NELL2: variants seen among roughly 807,000 people sequenced by gnomAD.
NELL2 encodes neural EGFL like 2.
NELL2 carries 41 observed loss-of-function variants against 109.6 expected under a neutral mutation model. That is an observed-to-expected ratio of 0.37 (90% CI 0.29 to 0.49). The LOEUF (loss-of-function observed/expected upper bound fraction) is 0.49. NELL2 is among the 20% of genes least tolerant of loss of function. NELL2 has a pLI of 0.98. For missense variants in NELL2, 900 were observed against 1,008.3 expected (o/e 0.89, Z 1.45); for synonymous variants, 355 against 344.7 (o/e 1.03, Z -0.33).
chr12:44,815,150 T>A (rs1380705196), intron 3 of NELL2, among the ~76,000 whole-genome samples: 2 of 152,178 alleles, frequency 1.3e-5, no homozygotes, highest in South Asian at 4.1e-4. Context: ...GCAATTTATG[T>A]ATATGTCAAG....
chr12:44,684,966 G>A (rs1486517886), intron 12 of NELL2, among the ~76,000 whole-genome samples: 7 of 152,010 alleles, frequency 4.6e-5, no homozygotes, highest in Non-Finnish European at 8.8e-5. Context: ...CAATTCCTGG[G>A]TATCCTTGTT....
chr12:44,626,049 A>G (rs73284076), intron 13 of NELL2, among the ~76,000 whole-genome samples: 4,333 of 152,196 alleles, frequency 0.028, 185 homozygotes, highest in African/African-American at 0.096. Flanking sequence ...TGTTTTCCCT[A>G]TAAGTTTAAA....
At chr12:44,840,308 T>A (rs1944184802) in intron 2 of NELL2, among the ~76,000 whole-genome samples, 2 of 152,164 alleles carry the variant, frequency 1.3e-5, no homozygotes, top group Admixed American at 1.3e-4. Flanking sequence ...TTTACTCGAT[T>A]TCATGTCAAT....
intron 16 of NELL2, among the ~76,000 whole-genome samples, chr12:44,526,372 C>T (rs903533339): frequency 6.6e-6 from 1 of 152,148 alleles, no homozygotes; most frequent in East Asian, 1.9e-4. Flanking sequence ...TTCACAACAA[C>T]CCTCGAAGAT....
At chr12:44,778,480 G>A (rs527574891) in intron 5 of NELL2, among the ~76,000 whole-genome samples, 9 of 152,164 alleles carry the variant, frequency 5.9e-5, no homozygotes, top group African/African-American at 2.2e-4. Flanking sequence ...TACTATTTAT[G>A]GACTACAATA....
At chr12:44,698,412 A>T (rs1260939945) in intron 12 of NELL2, among the ~76,000 whole-genome samples, 1 of 152,166 alleles carries the variant, frequency 6.6e-6, no homozygotes, top group East Asian at 1.9e-4. Flanking sequence ...AGAAGTTCAG[A>T]CTTGATGTGG....
intron 15 of NELL2, among the ~76,000 whole-genome samples, chr12:44,554,289 G>A (rs1943154556): frequency 6.6e-6 from 1 of 152,020 alleles, no homozygotes; most frequent in African/African-American, 2.4e-5. Flanking sequence ...TAACCAGCCT[G>A]GATAACTGTC....
chr12:44,539,835 TC>T (rs1165384714), intron 15 of NELL2, among the ~76,000 whole-genome samples: 2 of 152,200 alleles, frequency 1.3e-5, no homozygotes, highest in Non-Finnish European at 2.9e-5. Flanking sequence ...GGTTAGAGAT[TC>T]ATAAACACAT....
chr12:44,527,865 G>T (rs902344194), intron 16 of NELL2, among the ~76,000 whole-genome samples: 3 of 151,814 alleles, frequency 2.0e-5, no homozygotes, highest in Non-Finnish European at 4.4e-5. Flanking sequence ...AGGCCGAGGC[G>T]GACGGATCAC....
In NELL2 at chr12:44,875,836, A is replaced by G. The variant is rs1451901733; in HGVS notation, c.34T>C (p.Leu12=). 5 of 1,614,040 alleles carry G rather than the reference A, an allele frequency of 3.1e-6. No individual in the cohort carries two copies. Among genetic ancestry groups the G allele is most frequent in the South Asian group, 1.1e-5 (1 of 91,080 alleles). The change falls in exon 1 of 20, where the codon TTG becomes CTG. Residue 12 remains leucine (L), a synonymous_variant. Transcript: ENST00000429094. ...TCACCTGCTCCGAGACCGAAGATCA[A>G]ACAGAATGTTCTCAGTAAGACCCGA... is the stretch of plus-strand genomic sequence containing the variant. ...ESRVLLRTFC[L]IFGLGAVWGL... is the part of the protein sequence containing the mutation.
chr12:44,817,770 GT>G (rs1943400884), intron 2 of NELL2, among the ~76,000 whole-genome samples: 1 of 152,022 alleles, frequency 6.6e-6, no homozygotes, highest in Non-Finnish European at 1.5e-5. Context: ...TACTCTCTTG[GT>G]TTAAAACAAA....
intron 9 of NELL2, among the ~76,000 whole-genome samples, chr12:44,760,961 T>C (rs1485465227): frequency 6.6e-6 from 1 of 152,208 alleles, no homozygotes; most frequent in South Asian, 2.1e-4. Context: ...ATTTGCAACA[T>C]ATATATTAGA....
chr12:44,581,491 G>A (rs1944320069), intron 15 of NELL2, among the ~76,000 whole-genome samples: 1 of 152,104 alleles, frequency 6.6e-6, no homozygotes, highest in Non-Finnish European at 1.5e-5. Context: ...TCAACCTACA[G>A]ATTGAAGTAG....
intron 9 of NELL2, among the ~76,000 whole-genome samples, chr12:44,741,244 AG>A (rs1173283390): frequency 6.6e-6 from 1 of 152,140 alleles, no homozygotes. Context: ...TCTTTTCTTT[AG>A]ATTATTTTAA....
intron 1 of NELL2, among the ~76,000 whole-genome samples, chr12:44,888,256 A>G (rs867581046): frequency 3.9e-5 from 6 of 152,132 alleles, no homozygotes; most frequent in Admixed American, 1.3e-4. Context: ...GCAAATTTTA[A>G]AGTCAGGTAT....
At chr12:44,769,225 C>G (rs190150917) in intron 9 of NELL2, among the ~76,000 whole-genome samples, 26 of 152,118 alleles carry the variant, frequency 1.7e-4, no homozygotes, top group African/African-American at 5.3e-4. Flanking sequence ...ATAAAATAAG[C>G]CTCCCAAATT....
rs116246168 is a variant in NELL2, at chr12:44,868,107, G to A, written c.184+7118C>T. On this transcript the variant is annotated intron_variant, in intron 2 of 19. Coordinates refer to ENST00000429094, the MANE Select transcript of NELL2 (RefSeq NM_001145108.2). ...TGCTCTCCAGCCTAGGTGAAACAGT[G>A]AGGCTCCATCTCAAAAAAAAAAAAA... Among the ~76,000 whole-genome samples the A allele has an allele frequency of 8.9e-3, 1,013 of 113,534 alleles. 13 individuals are homozygous for A. The highest frequency in any genetic ancestry group is 0.032 in the African/African-American group (944 of 29,462). 74.5% of individuals were successfully genotyped at this position (113,534 alleles called of 152,430 possible).
chr12:44,833,062 T>TC (rs1208721374), intron 2 of NELL2, among the ~76,000 whole-genome samples: 1 of 152,160 alleles, frequency 6.6e-6, no homozygotes, highest in East Asian at 1.9e-4. Flanking sequence ...ACTTACTTTT[T>TC]CCCAATTCCA....
intron 14 of NELL2, among the ~76,000 whole-genome samples, chr12:44,609,887 T>A (rs951159177): frequency 6.6e-6 from 1 of 152,054 alleles, no homozygotes; most frequent in African/African-American, 2.4e-5. Flanking sequence ...ACGGTATATT[T>A]GAGAAATCAG....
Sources: gnomAD v4.1 joint callset for allele counts (sites outside exome capture counted in the v4.1 genomes callset) on GRCh38, gnomAD v4.1.1 for gene constraint, MANE v1.5 for transcripts, NCBI Gene and HGNC (gene_info 2026-07-23, HGNC 2026-07-21) for gene names.